The following ADARB2 variants were observed in gnomAD, a reference collection of about 807,000 sequenced individuals.
The protein encoded by ADARB2 is adenosine deaminase RNA specific B2 (inactive).
Under a neutral mutation model 62.2 loss-of-function variants are expected in ADARB2, and 25 were observed. That is an observed-to-expected ratio of 0.40 (90% CI 0.29 to 0.56). The LOEUF (loss-of-function observed/expected upper bound fraction) is 0.56. Among genes scored for constraint, ADARB2 ranks in the 20% least tolerant of loss-of-function variants. The pLI is 0.43. For missense variants in ADARB2, 1,071 were observed against 1,077.4 expected (o/e 0.99, Z 0.08); for synonymous variants, 572 against 500.8 (o/e 1.14, Z -1.90).
intron 7 of ADARB2, among the ~76,000 whole-genome samples, chr10:1,211,820 C>T (rs1229295603): frequency 1.3e-5 from 2 of 152,198 alleles, no homozygotes; most frequent in Non-Finnish European, 2.9e-5. Flanking sequence ...TTCAAGAGCA[C>T]AAATAACAGT....
intron 1 of ADARB2, among the ~76,000 whole-genome samples, chr10:1,580,435 T>C (rs1184217335): frequency 6.6e-6 from 1 of 152,134 alleles, no homozygotes; most frequent in Admixed American, 6.5e-5. Flanking sequence ...TGTATATATG[T>C]TGGTCTGGCA....
At chr10:1,636,655 ACTT>A (rs1833920042) in intron 1 of ADARB2, among the ~76,000 whole-genome samples, 1 of 151,708 alleles carries the variant, frequency 6.6e-6, no homozygotes. Context: ...TAAATCTTGT[ACTT>A]ATTCAATTTT....
chr10:1,379,628 A>G (rs1832464842), intron 1 of ADARB2, among the ~76,000 whole-genome samples: 1 of 152,228 alleles, frequency 6.6e-6, no homozygotes, highest in Non-Finnish European at 1.5e-5. Context: ...CATGCATTAA[A>G]AATAAAGGAC....
intron 1 of ADARB2, among the ~76,000 whole-genome samples, chr10:1,479,688 C>T (rs557801507): frequency 6.6e-6 from 1 of 152,134 alleles, no homozygotes; most frequent in African/African-American, 2.4e-5. Context: ...TGGTTTCCAC[C>T]AATAACACCA....
At chr10:1,388,360 T>C (rs190687768) in intron 1 of ADARB2, among the ~76,000 whole-genome samples, 3 of 152,242 alleles carry the variant, frequency 2.0e-5, no homozygotes, top group East Asian at 3.9e-4. Flanking sequence ...CTATTCAACA[T>C]TGGACAGAGG....
intron 1 of ADARB2, among the ~76,000 whole-genome samples, chr10:1,533,275 T>C (rs1832274009): frequency 1.4e-5 from 2 of 143,286 alleles, no homozygotes; most frequent in South Asian, 2.4e-4. Flanking sequence ...TGCGCCACCA[T>C]GCCTGGCTCA....
intron 1 of ADARB2, among the ~76,000 whole-genome samples, chr10:1,617,338 C>G (rs1440285875): frequency 1.1e-5 from 1 of 94,290 alleles, no homozygotes; most frequent in South Asian, 4.4e-4. Flanking sequence ...GCTCTGCATC[C>G]TGGGAACCGG....
intron 1 of ADARB2, among the ~76,000 whole-genome samples, chr10:1,516,962 G>A (rs1832016220): frequency 6.6e-6 from 1 of 152,222 alleles, no homozygotes; most frequent in African/African-American, 2.4e-5. Flanking sequence ...TAGCAGAAAA[G>A]GGATGGCGTT....
chr10:1,465,216 G>A (rs1482477787), intron 1 of ADARB2, among the ~76,000 whole-genome samples: 1 of 152,192 alleles, frequency 6.6e-6, no homozygotes, highest in African/African-American at 2.4e-5. Context: ...GTCTGTAGAG[G>A]CTGGGGTGGG....
chr10:1,644,976 A>G (rs10751811), intron 1 of ADARB2, among the ~76,000 whole-genome samples: 79,641 of 152,160 alleles, frequency 0.52, 22,803 homozygotes, highest in Non-Finnish European at 0.64. Flanking sequence ...AAAAGAGGTC[A>G]AGGTAGACTG....
chr10:1,296,763 A>G (rs1266498665), intron 3 of ADARB2, among the ~76,000 whole-genome samples: 1 of 152,244 alleles, frequency 6.6e-6, no homozygotes, highest in Non-Finnish European at 1.5e-5. Flanking sequence ...GCTCAACAAC[A>G]TAATTGGAAA....
At chr10:1,558,405 C>G (rs1316215685) in intron 1 of ADARB2, among the ~76,000 whole-genome samples, 6 of 138,438 alleles carry the variant, frequency 4.3e-5, no homozygotes, top group Admixed American at 7.1e-5. Flanking sequence ...CCACCTCTGC[C>G]CCCCTCCGTG....
intron 7 of ADARB2, among the ~76,000 whole-genome samples, chr10:1,211,955 C>T (rs1434753786): frequency 1.3e-5 from 2 of 152,196 alleles, no homozygotes; most frequent in African/African-American, 2.4e-5. Context: ...AAACTGCCTG[C>T]ACATCTCACC....
At chr10:1,209,264 C>T (rs1837109887) in intron 7 of ADARB2, among the ~76,000 whole-genome samples, 1 of 152,062 alleles carries the variant, frequency 6.6e-6, no homozygotes, top group Admixed American at 6.6e-5. Flanking sequence ...CACTGACACC[C>T]ACACCCATGC....
chr10:1,341,535 A>G lies in ADARB2; in HGVS notation c.1077+21493T>C, dbSNP rs530426042. On this transcript the variant is annotated intron_variant, in intron 3 of 9. Transcript: ENST00000381312. Reference sequence around the variant, plus strand: ...CACATGCCCCACAGCGGCAATAACAAGCATCCACCAGAGAACCACGTGCCC... The same window carrying G: ...CACATGCCCCACAGCGGCAATAACAGGCATCCACCAGAGAACCACGTGCCC... Among the ~76,000 whole-genome samples, 123 of 147,212 alleles carry G rather than the reference A, an allele frequency of 8.4e-4. 2 individuals are homozygous for G. Among genetic ancestry groups the G allele is most frequent in the African/African-American group, 2.9e-3 (114 of 39,132 alleles).
At position 1,510,093 on chromosome 10, in the gene ADARB2, CTCT is replaced by C. The variant is rs1421450040; in HGVS notation, c.101-130936_101-130934del. 6.4e-3 allele frequency among the ~76,000 whole-genome samples: 870 copies of C among 136,384 alleles called. 14 individuals are homozygous for C. Among genetic ancestry groups the C allele is most frequent in the African/African-American group, 0.022 (828 of 36,986 alleles). 89.5% of individuals were successfully genotyped at this position (136,384 alleles called of 152,430 possible). ...TCTTTCTTTCTCTTTCTCTCTCTCT[CTCT>C]TTTCTTTCTTTCTCTCTTTCTTTCT... is the stretch of plus-strand genomic sequence containing the variant. On this transcript the variant is annotated intron_variant, in intron 1 of 9. Coordinates refer to ENST00000381312, the MANE Select transcript of ADARB2 (RefSeq NM_018702.4).
chr10:1,735,844 G>A lies in ADARB2; in HGVS notation c.100+1207C>T, dbSNP rs138624925. Among the ~76,000 whole-genome samples, 38 of 152,324 alleles carry A rather than the reference G, an allele frequency of 2.5e-4. No homozygotes were observed. In the East Asian group the frequency reaches 6.4e-3, roughly 25 times the overall value. On this transcript the variant is annotated intron_variant, in intron 1 of 9. Coordinates refer to ENST00000381312, the MANE Select transcript of ADARB2 (RefSeq NM_018702.4). ...CTGTTTGCTATTGACATTTATGCCT[G>A]CTGACTGTCTGGATAATTTCTATTA...
At position 1,410,884 on chromosome 10, in the gene ADARB2, C is replaced by T. The variant is rs536380808; in HGVS notation, c.101-31724G>A. Among the ~76,000 whole-genome samples, 6 of 152,270 alleles carry T rather than the reference C, an allele frequency of 3.9e-5. No individual in the cohort carries two copies. In the South Asian group the frequency reaches 1.0e-3, roughly 26 times the overall value. Reference sequence around the variant, plus strand: ...TTGGTGAGCAGCTGTTTCAGCTGCCCGGATGGAGGGCAGTCCAGTCAGTTA... The same window carrying T: ...TTGGTGAGCAGCTGTTTCAGCTGCCTGGATGGAGGGCAGTCCAGTCAGTTA... On this transcript the variant is annotated intron_variant, in intron 1 of 9. Coordinates refer to ENST00000381312, the MANE Select transcript of ADARB2 (RefSeq NM_018702.4).
At chr10:1,185,473 G>T (rs1836739716) in intron 8 of ADARB2, among the ~76,000 whole-genome samples, 1 of 150,498 alleles carries the variant, frequency 6.6e-6, no homozygotes, top group Admixed American at 6.7e-5. Flanking sequence ...GGCTCCCTCG[G>T]GTTTACAGTT....
Sources: gnomAD v4.1 joint callset for allele counts (sites outside exome capture counted in the v4.1 genomes callset) on GRCh38, gnomAD v4.1.1 for gene constraint, MANE v1.5 for transcripts, NCBI Gene and HGNC (gene_info 2026-07-23, HGNC 2026-07-21) for gene names.